FAM167A: variants seen among roughly 807,000 people sequenced by gnomAD.
The protein encoded by FAM167A is family with sequence similarity 167 member A, also known as protein FAM167A.
Under a neutral mutation model 14.9 loss-of-function variants are expected in FAM167A, and 23 were observed. That is an observed-to-expected ratio of 1.55 (90% CI 1.11 to 2.19). The LOEUF (loss-of-function observed/expected upper bound fraction) is 2.19, where lower values mean the gene tolerates loss of function less well. Ranked by LOEUF, FAM167A falls within the 30% of genes most tolerant of loss-of-function variation. The probability of loss-of-function intolerance (pLI) is 0.00; values close to 1 mark genes in which losing one functional copy is unlikely to be tolerated. For missense variants in FAM167A, 401 were observed against 281.5 expected (o/e 1.42, Z -3.04); for synonymous variants, 174 against 117.7 (o/e 1.48, Z -3.10).
Position 11,424,265 on chromosome 8 carries a change from G to A in FAM167A, c.*108C>T. On this transcript the variant is annotated 3_prime_UTR_variant, in exon 3 of 3. Coordinates refer to ENST00000284486, the MANE Select transcript of FAM167A (RefSeq NM_053279.3). ...GGGCCCTTGAGTCGCCAGTCCCAGGGACCCCTGCCTCCGGGAGACCCACTG... is the reference window on the plus strand; with the variant it reads ...GGGCCCTTGAGTCGCCAGTCCCAGGAACCCCTGCCTCCGGGAGACCCACTG... 1 of 1,480,196 alleles carries A rather than the reference G, an allele frequency of 6.8e-7. No individual in the cohort carries two copies. The highest frequency in any genetic ancestry group is 9.2e-7 in the Non-Finnish European group (1 of 1,091,976). The allele number at this position is 1,480,196 out of a possible 1,614,324, so 91.7% of individuals were successfully genotyped here. A position where few individuals can be genotyped will look rare whatever the true frequency, so the allele number is the denominator to read the frequency against.
chr8:11,473,598 C>G (rs1208796846), intron 1 of FAM167A, among the ~76,000 whole-genome samples: 1 of 152,182 alleles, frequency 6.6e-6, no homozygotes, highest in East Asian at 1.9e-4. Context: ...TTTCCCATCC[C>G]CATCCTGGCC....
Position 11,444,273 on chromosome 8 carries a change from G to C in FAM167A, c.139C>G (p.Leu47Val). The C allele has an allele frequency of 6.2e-7, 1 of 1,611,484 alleles. No individual in the cohort carries two copies. Among genetic ancestry groups the C allele is most frequent in the Non-Finnish European group, 8.5e-7 (1 of 1,179,538 alleles). Residue 47 changes from leucine to valine, a missense_variant, in exon 2 of 3, where the codon CTG becomes GTG. Leu to Val is a conservative substitution (Grantham distance 32). Transcript: ENST00000284486. ...LRLETRRPSY[L>V]EWQARLEEHT... The stretch of plus-strand genomic sequence containing the variant: ...TCCTCCAGCCTGGCCTGCCATTCCA[G>C]GTAGGAGGGCCTGCGGGTCTCCAGC...
At position 11,444,369 on chromosome 8, in the gene FAM167A, C is replaced by G. The variant is rs771384390; in HGVS notation, c.43G>C (p.Glu15Gln). The G allele has an allele frequency of 3.8e-6, 6 of 1,579,400 alleles. No individual in the cohort carries two copies. In the African/African-American group the frequency reaches 8.2e-5, roughly 22 times the overall value. The change falls in exon 2 of 3, where the codon GAG (glutamate) becomes CAG (glutamine). Residue 15 changes from glutamate (E) to glutamine (Q), a missense_variant. By Grantham distance (29) the Glu-to-Gln change is conservative. Transcript: ENST00000284486. ...GGTGGTGCGGCTGCTCCCGCCCCCT[C>G]TTCTGCACCCACTTCTTCCACGTGG... ...QIHVEEVGAE[E>Q]GAGAAAPPDD...
rs369104602 is a variant in FAM167A at position 11,444,433 on chromosome 8, C to T, written c.-22G>A. 9 of 1,511,778 alleles carry T rather than the reference C, an allele frequency of 6.0e-6. No individual in the cohort carries two copies. The highest frequency in any genetic ancestry group is 4.2e-5 in the African/African-American group (3 of 71,384). The allele number at this position is 1,511,778 out of a possible 1,614,324, so 93.6% of individuals were successfully genotyped here. A position where few individuals can be genotyped will look rare whatever the true frequency, so the allele number is the denominator to read the frequency against. On this transcript the variant is annotated 5_prime_UTR_variant, in exon 2 of 3. Coordinates refer to ENST00000284486, the MANE Select transcript of FAM167A (RefSeq NM_053279.3). ...ACATTCTACAGTCTGCCCTGGCAGC[C>T]GGACATGCGAGGGCACGGGGGGCGC...
chr8:11,448,045 T>A (rs986911838), intron 1 of FAM167A, among the ~76,000 whole-genome samples: 2 of 152,010 alleles, frequency 1.3e-5, no homozygotes, highest in African/African-American at 4.8e-5. Flanking sequence ...AATACAAAAA[T>A]TAGCTGGGCG....
At chr8:11,453,850 G>C (rs75308661) in intron 1 of FAM167A, among the ~76,000 whole-genome samples, 4,500 of 152,212 alleles carry the variant, frequency 0.03, 225 homozygotes, top group African/African-American at 0.1. Flanking sequence ...GGGAAGGCTG[G>C]GTCTTCTTAC....
chr8:11,446,296 C>T (rs984896264), intron 1 of FAM167A: 1 of 152,220 alleles, frequency 6.6e-6, no homozygotes, highest in African/African-American at 2.4e-5. Flanking sequence ...GTCCTGCTGC[C>T]CGACCTCTGC....
chr8:11,456,672 T>C (rs1807326124), intron 1 of FAM167A, among the ~76,000 whole-genome samples: 1 of 151,452 alleles, frequency 6.6e-6, no homozygotes, highest in Non-Finnish European at 1.5e-5. Flanking sequence ...TGGGTATGGC[T>C]AGGGCTGAGT....
chr8:11,445,243 C>G (rs1428822754), intron 1 of FAM167A: 34 of 985,362 alleles, frequency 3.5e-5, no homozygotes, highest in Non-Finnish European at 3.9e-5. Context: ...GGGGGGTCCC[C>G]AGAGCCAGCC....
chr8:11,449,329 C>G lies in FAM167A; in HGVS notation c.-397-4521G>C, dbSNP rs1806926181. ...TTGTCACTGCTCACTGGGCACTGAGCTGGACCCGGCCTGAGCCGGCAGAGA... is the reference window on the plus strand; with the variant it reads ...TTGTCACTGCTCACTGGGCACTGAGGTGGACCCGGCCTGAGCCGGCAGAGA... On this transcript the variant is annotated intron_variant, in intron 1 of 2. Coordinates refer to ENST00000284486, the MANE Select transcript of FAM167A (RefSeq NM_053279.3). Among the ~76,000 whole-genome samples, 3 of 152,224 alleles carry G rather than the reference C, an allele frequency of 2.0e-5. No homozygotes were observed. In the South Asian group the frequency reaches 6.2e-4, roughly 31 times the overall value.
At chr8:11,456,160 G>T (rs1311376909) in intron 1 of FAM167A, among the ~76,000 whole-genome samples, 1 of 24,800 alleles carries the variant, frequency 4.0e-5, no homozygotes, top group Non-Finnish European at 8.7e-5. Context: ...AATGTGGGGG[G>T]TGGTTGCCTT....
chr8:11,463,088 T>C (rs1361613152), intron 1 of FAM167A, among the ~76,000 whole-genome samples: 4 of 152,070 alleles, frequency 2.6e-5, no homozygotes, highest in Non-Finnish European at 4.4e-5. Context: ...TTGTTTCAGG[T>C]AAATATTTGT....
At chr8:11,426,926 G>C (rs1805211737) in intron 2 of FAM167A, among the ~76,000 whole-genome samples, 3 of 152,186 alleles carry the variant, frequency 2.0e-5, no homozygotes, top group African/African-American at 7.2e-5. Context: ...GGATGACTTT[G>C]AGTTTTGTCC....
chr8:11,459,751 C>T (rs1180172323), intron 1 of FAM167A, among the ~76,000 whole-genome samples: 2 of 152,198 alleles, frequency 1.3e-5, no homozygotes, highest in Non-Finnish European at 2.9e-5. Context: ...TTTTGCTCTT[C>T]TCACCCAGGC....
intron 1 of FAM167A, among the ~76,000 whole-genome samples, chr8:11,457,759 C>T (rs982967261): frequency 5.9e-5 from 9 of 152,178 alleles, no homozygotes; most frequent in Admixed American, 5.9e-4. Context: ...CCTGAAAGCT[C>T]ATCCGAGGGC....
chr8:11,425,254 T>A (rs1805056253), intron 2 of FAM167A, among the ~76,000 whole-genome samples: 1 of 152,176 alleles, frequency 6.6e-6, no homozygotes, highest in Non-Finnish European at 1.5e-5. Context: ...CAGTTAACCG[T>A]CACTACAACC....
intron 2 of FAM167A, among the ~76,000 whole-genome samples, chr8:11,437,860 G>C (rs1037780761): frequency 1.3e-5 from 2 of 148,212 alleles, no homozygotes; most frequent in Non-Finnish European, 2.9e-5. Flanking sequence ...GCATGGATCT[G>C]GCTGCCAAGG....
rs775548596 is a variant in FAM167A, at chr8:11,444,016, G to A, written c.381+15C>T. 1.9e-6 allele frequency: 3 copies of A among 1,598,388 alleles called. No homozygotes were observed. The highest frequency in any genetic ancestry group is 1.7e-6 in the Non-Finnish European group (2 of 1,171,588). On this transcript the variant is annotated intron_variant, in intron 2 of 2. Transcript: ENST00000284486. ...ATCTCCTCTTTTCTGGGGATTCTTG[G>A]GGGCAGCCACTCACCAGTTCCTTCC... is the stretch of plus-strand genomic sequence containing the variant.
upstream of FAM167A, among the ~76,000 whole-genome samples, chr8:11,470,874 T>C (rs1807940543): frequency 6.6e-6 from 1 of 152,090 alleles, no homozygotes; most frequent in South Asian, 2.1e-4. Flanking sequence ...GTCTTAGGCA[T>C]GTTCAGCTGC....
Sources: gnomAD v4.1 joint callset for allele counts (sites outside exome capture counted in the v4.1 genomes callset) on GRCh38, gnomAD v4.1.1 for gene constraint, MANE v1.5 for transcripts, NCBI Gene and HGNC (gene_info 2026-07-23, HGNC 2026-07-21) for gene names.